PRDM11: variants seen among roughly 807,000 people sequenced by gnomAD.
PRDM11 encodes PR/SET domain 11.
Under a neutral mutation model 97.8 loss-of-function variants are expected in PRDM11, and 20 were observed. That is an observed-to-expected ratio of 0.20 (90% confidence interval 0.14 to 0.30). The LOEUF is 0.30. Among genes scored for constraint, PRDM11 ranks in the 10% least tolerant of loss-of-function variants. PRDM11 has a pLI of 1.00. For synonymous variants in PRDM11, 599 were observed against 637.7 expected (o/e 0.94, Z 0.91); for missense variants, 1,139 against 1,555.2 (o/e 0.73, Z 4.50).
intron 4 of PRDM11, among the ~76,000 whole-genome samples, chr11:45,193,744 A>G (rs1852998990): frequency 6.6e-6 from 1 of 152,206 alleles, no homozygotes; most frequent in Non-Finnish European, 1.5e-5. Context: ...ATAGAACGAC[A>G]ATCATTTACT....
intron 5 of PRDM11, chr11:45,209,221 C>T (rs1185170803): frequency 5.9e-5 from 25 of 426,086 alleles, no homozygotes; most frequent in Non-Finnish European, 8.1e-5. Context: ...ATCAAGTCGG[C>T]GCTGCTCACG....
upstream of PRDM11, among the ~76,000 whole-genome samples, chr11:45,142,524 C>G (rs1328311000): frequency 3.3e-5 from 5 of 152,222 alleles, no homozygotes; most frequent in African/African-American, 1.2e-4. Flanking sequence ...TCCCATACCT[C>G]TCCACCTTTC....
chr11:45,140,343 C>T (rs1159437983), intron 1 of PRDM11, among the ~76,000 whole-genome samples: 4 of 152,184 alleles, frequency 2.6e-5, no homozygotes, highest in African/African-American at 9.7e-5. Flanking sequence ...CTGTAGTCCC[C>T]CAGGAGTCAA....
chr11:45,147,293 G>C (rs918176784), intron 1 of PRDM11: 1 of 151,484 alleles, frequency 6.6e-6, no homozygotes, highest in East Asian at 1.9e-4. Flanking sequence ...GACACGGACG[G>C]GGCGGGGCGC....
chr11:45,116,685 T>A (rs759494647), intron 1 of PRDM11, among the ~76,000 whole-genome samples: 4 of 152,206 alleles, frequency 2.6e-5, no homozygotes, highest in Admixed American at 1.3e-4. Context: ...TTTTTGTTGT[T>A]TAAGCCACCC....
chr11:45,206,652 C>T (rs774105412), intron 5 of PRDM11, among the ~76,000 whole-genome samples: 6 of 152,246 alleles, frequency 3.9e-5, no homozygotes, highest in Non-Finnish European at 7.3e-5. Context: ...ATCATCCAAA[C>T]TAACTTATCT....
chr11:45,121,331 A>T lies in PRDM11; in HGVS notation c.96+25430A>T, dbSNP rs923775683. ...GAAAAGAATGAAAAGATATTGCTGG[A>T]AACCATTAACAAAAAGCTGGTGTGG... On this transcript the variant is annotated intron_variant, in intron 1 of 6. Coordinates refer to the PRDM11 transcript ENST00000530656. Among the ~76,000 whole-genome samples, 4 of 152,312 alleles carry T rather than the reference A, an allele frequency of 2.6e-5. No individual in the cohort carries two copies. The East Asian group carries it at 7.7e-4, about 29-fold the overall frequency.
rs1338232853 is a variant in PRDM11, at chr11:45,227,705, G to A, written c.3080G>A (p.Cys1027Tyr). The change falls in exon 8 of 8, where the codon TGT becomes TAT. Residue 1027 changes from cysteine (C) to tyrosine (Y), a missense_variant. By Grantham distance (194) the Cys-to-Tyr change is radical. Around this residue, in one of 2 missense-constraint regions of PRDM11, gnomAD observed 710 missense variants for 1,044.9 expected, o/e 0.68. Transcript: ENST00000683152. This position sits in a 1 kb window ranked among gnomAD's most constrained non-coding sequence, Gnocchi z 8.0. Reference sequence around the variant, plus strand: ...ATCCCGACCTTTTCCCGGGATGTCTGTAGGGAAGGGCTGGACCCCCGGGGT... The same window carrying A: ...ATCCCGACCTTTTCCCGGGATGTCTATAGGGAAGGGCTGGACCCCCGGGGT... ...EAIPTFSRDV[C>Y]REGLDPRGSL... The A allele has an allele frequency of 2.0e-6, 3 of 1,533,828 alleles. No homozygotes were observed. Among genetic ancestry groups the A allele is most frequent in the Non-Finnish European group, 2.6e-6 (3 of 1,146,740 alleles).
intron 5 of PRDM11, among the ~76,000 whole-genome samples, chr11:45,216,778 G>A (rs560588355): frequency 2.6e-5 from 4 of 152,300 alleles, no homozygotes; most frequent in South Asian, 4.1e-4. Flanking sequence ...ATTGATTCTT[G>A]ATGGATAGAA....
At chr11:45,148,124 GA>G (rs1851569001) in intron 1 of PRDM11, among the ~76,000 whole-genome samples, 1 of 152,170 alleles carries the variant, frequency 6.6e-6, no homozygotes, top group Non-Finnish European at 1.5e-5. Context: ...CCGACTCTCT[GA>G]AAGGTGGACA....
At chr11:45,094,702 G>A (rs1186670759), upstream of PRDM11, among the ~76,000 whole-genome samples, 1 of 137,856 alleles carries the variant, frequency 7.3e-6, no homozygotes, top group Non-Finnish European at 1.6e-5. Context: ...AAGGAAGGAA[G>A]GGAGGGAGGG....
intron 1 of PRDM11, among the ~76,000 whole-genome samples, chr11:45,153,542 G>T (rs1851713499): frequency 6.6e-6 from 1 of 152,236 alleles, no homozygotes; most frequent in South Asian, 2.1e-4. Flanking sequence ...CATGGGGGAG[G>T]CATGGGGGTC....
chr11:45,127,705 C>T (rs187763310), intron 1 of PRDM11, among the ~76,000 whole-genome samples: 2 of 152,314 alleles, frequency 1.3e-5, no homozygotes, highest in Admixed American at 1.3e-4. Context: ...CCTGATCATT[C>T]CTCTGGAAGT....
intron 4 of PRDM11, 72 bp from the exon 5 acceptor site, chr11:45,204,639 G>T: frequency 7.0e-7 from 1 of 1,426,522 alleles, no homozygotes; most frequent in Non-Finnish European, 9.9e-7. Context: ...CTGGGCCCTG[G>T]TTGGGAAGGA....
At chr11:45,146,014 C>T (rs554070006), upstream of PRDM11, among the ~76,000 whole-genome samples, 1 of 152,330 alleles carries the variant, frequency 6.6e-6, no homozygotes, top group East Asian at 1.9e-4. Context: ...CTCAGAATCT[C>T]TCTCCCTCTG....
At chr11:45,188,809 G>A (rs1852803394) in intron 4 of PRDM11, among the ~76,000 whole-genome samples, 1 of 152,258 alleles carries the variant, frequency 6.6e-6, no homozygotes, top group Non-Finnish European at 1.5e-5. Flanking sequence ...GAACCATGCT[G>A]CTGGCACGAG....
At chr11:45,106,531 G>A (rs1457454212) in intron 1 of PRDM11, among the ~76,000 whole-genome samples, 1 of 152,184 alleles carries the variant, frequency 6.6e-6, no homozygotes, top group African/African-American at 2.4e-5. Context: ...GATTCTGTGG[G>A]TCAGAAATTT....
Position 45,227,762 on chromosome 11 carries a change from C to A in PRDM11, c.3137C>A (p.Ala1046Asp). The stretch of plus-strand genomic sequence containing the variant: ...TTGATGGAGTGGCGAGAACTCAAGG[C>A]TGATTACTACACCAAAAATGGCTTC... ...SLLMEWRELKADYYTKNGFKD... is the reference protein window; with the variant it reads ...SLLMEWRELKDDYYTKNGFKD... The change falls in exon 8 of 8, where the codon GCT becomes GAT. Residue 1046 changes from alanine to aspartate, a missense_variant. Ala to Asp is a moderately radical substitution (Grantham distance 126). This residue lies in a region of PRDM11 where 710 missense variants were observed against 1,044.9 expected (regional missense o/e 0.68). Transcript: ENST00000683152. This position sits in a 1 kb window ranked among gnomAD's most constrained non-coding sequence, Gnocchi z 8.0. The A allele has an allele frequency of 2.0e-6, 3 of 1,533,850 alleles. No homozygotes were observed. Among genetic ancestry groups the A allele is most frequent in the South Asian group, 2.4e-5 (2 of 83,958 alleles).
chr11:45,128,522 TATC>T (rs1283985854), intron 1 of PRDM11, among the ~76,000 whole-genome samples: 1 of 108,984 alleles, frequency 9.2e-6, no homozygotes, highest in African/African-American at 3.5e-5. Context: ...CCCCCGCTGA[TATC>T]ATGGTATTAA....
Sources: allele counts gnomAD v4.1 joint callset (sites outside exome capture counted in the v4.1 genomes callset), GRCh38; gene constraint gnomAD v4.1.1; regional missense constraint gnomAD v4.1.1; non-coding constraint Gnocchi (gnomAD v3.1); transcripts MANE v1.5; gene names NCBI Gene and HGNC (gene_info 2026-07-23, HGNC 2026-07-21).